ABLIM3: variants seen among roughly 807,000 people sequenced by gnomAD.
The protein encoded by ABLIM3 is actin-binding LIM protein 3.
Under a neutral mutation model 109.5 loss-of-function variants are expected in ABLIM3, and 61 were observed. The ratio of observed to expected loss-of-function variants is 0.56; its 90% CI spans 0.45 to 0.69. ABLIM3 has a LOEUF of 0.69. Among genes scored for constraint, ABLIM3 ranks in the 30% least tolerant of loss-of-function variants. The pLI, the probability that ABLIM3 is intolerant of heterozygous loss-of-function variation, is 0.00. For missense variants in ABLIM3, 796 were observed against 889.5 expected, an observed-to-expected ratio of 0.89 and a Z score of 1.34; for synonymous variants, 300 against 324.8, an observed-to-expected ratio of 0.92 and a Z score of 0.82.
intron 3 of ABLIM3, among the ~76,000 whole-genome samples, chr5:149,195,906 A>G (rs1757923952): frequency 6.6e-6 from 1 of 152,200 alleles, no homozygotes; most frequent in African/African-American, 2.4e-5. Context: ...AATGCTCCAC[A>G]CTGAGTTTAA....
intron 2 of ABLIM3, among the ~76,000 whole-genome samples, chr5:149,172,633 G>A (rs559025132): frequency 4.6e-5 from 7 of 152,272 alleles, no homozygotes; most frequent in African/African-American, 1.7e-4. Context: ...TGGCCCACAG[G>A]CAGGATCCAG....
intron 16 of ABLIM3, among the ~76,000 whole-genome samples, chr5:149,245,683 G>A (rs1210879474): frequency 2.0e-5 from 3 of 152,086 alleles, no homozygotes; most frequent in Non-Finnish European, 4.4e-5. Flanking sequence ...GAGAGGATGT[G>A]GGGAGGTGGA....
intron 2 of ABLIM3, among the ~76,000 whole-genome samples, chr5:149,161,404 G>A (rs1427136900): frequency 6.6e-6 from 1 of 152,128 alleles, no homozygotes; most frequent in African/African-American, 2.4e-5. Context: ...TTCCCTCTCT[G>A]CCTGGCTGTC....
rs562979406 is a variant in ABLIM3 at position 149,151,970 on chromosome 5, A to C, written c.13+9862A>C. ...ATCATGGGTCACACAGCTGGGCAAA[A>C]TGTGCCTCCTGGTGGCCAATGTAAA... On this transcript the variant is annotated intron_variant, in intron 2 of 23. Transcript: ENST00000309868. Among the ~76,000 whole-genome samples, 76 of 152,310 alleles carry C rather than the reference A, an allele frequency of 5.0e-4. 1 individual carries two copies. The highest frequency in any genetic ancestry group is 1.8e-3 in the African/African-American group (76 of 41,562).
At chr5:149,223,700 G>C (rs1258953246) in intron 8 of ABLIM3, among the ~76,000 whole-genome samples, 1 of 152,110 alleles carries the variant, frequency 6.6e-6, no homozygotes, top group East Asian at 1.9e-4. Flanking sequence ...AGTACAGAGA[G>C]GCAGCATGTC....
intron 3 of ABLIM3, among the ~76,000 whole-genome samples, chr5:149,195,338 G>A (rs1044410152): frequency 8.5e-5 from 13 of 152,180 alleles, no homozygotes; most frequent in South Asian, 4.1e-4. Context: ...CATTTATTCC[G>A]GATTTGCTCA....
intron 2 of ABLIM3, among the ~76,000 whole-genome samples, chr5:149,155,775 C>T (rs1042789288): frequency 2.0e-5 from 3 of 152,154 alleles, no homozygotes; most frequent in Admixed American, 6.5e-5. Context: ...AGTTTGTATA[C>T]GCTAGAGAAT....
intron 5 of ABLIM3, among the ~76,000 whole-genome samples, chr5:149,201,248 A>G (rs1758459096): frequency 6.6e-6 from 1 of 152,162 alleles, no homozygotes; most frequent in Non-Finnish European, 1.5e-5. Context: ...CCACACACAC[A>G]TAGACCCTGC....
intron 7 of ABLIM3, 44 bp from the exon 8 acceptor site, chr5:149,216,915 C>G (rs1197114227): frequency 2.6e-6 from 4 of 1,546,300 alleles, no homozygotes; most frequent in Non-Finnish European, 3.6e-6. Flanking sequence ...CACTAGACAG[C>G]AGCCCTGGCT....
chr5:149,141,530 A>G lies in ABLIM3; in HGVS notation c.-212A>G, dbSNP rs530295662. 8.7e-4 allele frequency: 133 copies of G among 152,758 alleles called. No individual in the cohort carries two copies. Among genetic ancestry groups the G allele is most frequent in the Non-Finnish European group, 1.7e-3 (115 of 68,198 alleles). The allele number at this position is 152,758 out of a possible 1,614,324, so 9.5% of individuals were successfully genotyped here. ...GCCAACCCGCGAGCCCGCATCATGGATGTCGAGCTCCCCTATTTCGCATTG... is the reference window on the plus strand; with the variant it reads ...GCCAACCCGCGAGCCCGCATCATGGGTGTCGAGCTCCCCTATTTCGCATTG... On this transcript the variant is annotated 5_prime_UTR_variant, in exon 1 of 24. It removes an upstream start codon present in the reference 5' UTR. Transcript: ENST00000309868.
intron 2 of ABLIM3, among the ~76,000 whole-genome samples, chr5:149,161,031 A>G (rs1290106643): frequency 6.6e-6 from 1 of 152,008 alleles, no homozygotes; most frequent in Non-Finnish European, 1.5e-5. Context: ...CAATAATCAG[A>G]CCACCTTCTT....
At chr5:149,248,859 G>GACACACACACACACACACACACAC (rs55707887) in intron 18 of ABLIM3, among the ~76,000 whole-genome samples, 7 of 144,600 alleles carry the variant, frequency 4.8e-5, no homozygotes, top group African/African-American at 1.8e-4. Flanking sequence ...CCTATTCCTG[G>GACACACACACACACACACACACAC]ACACACACAC....
chr5:149,248,472 A>T (rs528438001), intron 18 of ABLIM3, among the ~76,000 whole-genome samples: 69 of 152,236 alleles, frequency 4.5e-4, no homozygotes, highest in African/African-American at 1.5e-3. Flanking sequence ...CGGGCAGATC[A>T]TGAGGTCAGG....
intron 22 of ABLIM3, 76 bp from the exon 23 acceptor site, chr5:149,252,681 C>A: frequency 9.0e-7 from 1 of 1,110,384 alleles, no homozygotes; most frequent in South Asian, 1.3e-5. Flanking sequence ...ACAGAGAGCC[C>A]AGACACAAAA....
intron 3 of ABLIM3, among the ~76,000 whole-genome samples, chr5:149,197,436 G>A (rs1581105907): frequency 6.6e-6 from 1 of 151,988 alleles, no homozygotes. Context: ...TGCTTGCACC[G>A]GTTCCGTGGA....
chr5:149,200,416 C>A lies in ABLIM3; in HGVS notation c.436C>A (p.Arg146Ser), dbSNP rs967685531. ...GGCCAGCAGTAAGCCCATCAAGATT[C>A]GTGGACCAAGCCGTGAGTCCTCCCC... ...SMASSKPIKI[R>S]GPSHCAGCKE... is the part of the protein sequence containing the mutation. The change falls in exon 5 of 24, where the codon CGT becomes AGT. Residue 146 changes from arginine to serine, a missense_variant. Physicochemically the swap from Arg to Ser is moderately radical, Grantham distance 110 (BLOSUM62 -1). Transcript: ENST00000309868. The A allele has an allele frequency of 6.2e-7, 1 of 1,614,074 alleles. No homozygotes were observed. The highest frequency in any genetic ancestry group is 1.3e-5 in the African/African-American group (1 of 74,950).
intron 22 of ABLIM3, 24 bp from the exon 23 acceptor site, chr5:149,252,733 G>A (rs1173167332): frequency 6.2e-7 from 1 of 1,601,838 alleles, no homozygotes; most frequent in Non-Finnish European, 8.5e-7. Flanking sequence ...ACCCAAGCTG[G>A]AGACCACCCC....
intron 3 of ABLIM3, among the ~76,000 whole-genome samples, chr5:149,191,767 A>G (rs7727488): frequency 0.05 from 7,586 of 152,346 alleles, 575 homozygotes; most frequent in African/African-American, 0.17. Context: ...GTATTTTGCT[A>G]TAAAGATAAG....
chr5:149,151,525 T>C (rs1753433517), intron 2 of ABLIM3, among the ~76,000 whole-genome samples: 1 of 152,248 alleles, frequency 6.6e-6, no homozygotes, highest in Non-Finnish European at 1.5e-5. Flanking sequence ...ATGCTAACAG[T>C]TGGTTACTAA....
Sources: gnomAD v4.1 joint callset for allele counts (sites outside exome capture counted in the v4.1 genomes callset) on GRCh38, gnomAD v4.1.1 for gene constraint, MANE v1.5 for transcripts, NCBI Gene and HGNC (gene_info 2026-07-23, HGNC 2026-07-21) for gene names.